Variants in SMARCA2 observed in about 807,000 individuals in gnomAD.
SMARCA2 encodes the protein SWI/SNF-related matrix-associated actin-dependent regulator of chromatin subfamily A member 2.
SMARCA2 carries 61 observed loss-of-function variants against 199.8 expected under a neutral mutation model. The ratio of observed to expected loss-of-function variants is 0.31; its 90% CI spans 0.25 to 0.38. The LOEUF is 0.38. Among genes scored for constraint, SMARCA2 ranks in the 10% least tolerant of loss-of-function variants. The pLI, the probability that SMARCA2 is intolerant of heterozygous loss-of-function variation, is 1.00. For missense variants in SMARCA2, 1,344 were observed against 2,012.2 expected (o/e 0.67, Z 6.35); for synonymous variants, 935 against 732.0 (o/e 1.28, Z -4.48).
intron 8 of SMARCA2, among the ~76,000 whole-genome samples, chr9:2,059,450 C>A (rs1820490860): frequency 1.3e-5 from 2 of 152,118 alleles, no homozygotes; most frequent in South Asian, 4.2e-4. Context: ...AGAGGACTGT[C>A]CGAGAGGTTT....
rs118043700 is a variant in SMARCA2 at position 2,185,982 on chromosome 9, G to C, written c.4462-114G>C. On this transcript the variant is annotated intron_variant, in intron 31 of 33. Transcript: ENST00000349721. ...TTTTCATGTGGGCATAAAAGCTAAC[G>C]GTGACATTTCTACTAAAATTCATGT... 6.8e-6 allele frequency: 7 copies of C among 1,033,886 alleles called. No individual in the cohort carries two copies. In the East Asian group the frequency reaches 1.7e-4, roughly 25 times the overall value. 64.0% of individuals were successfully genotyped at this position (1,033,886 alleles called of 1,614,324 possible).
At chr9:2,157,619 C>T (rs1825433882) in intron 27 of SMARCA2, 2 of 344,264 alleles carry the variant, frequency 5.8e-6, no homozygotes, top group Non-Finnish European at 1.0e-5. Context: ...TTTAGAATTG[C>T]TCCTTTCAGT....
intron 12 of SMARCA2, 44 bp downstream of exon 12, chr9:2,073,667 T>C (rs1378203401): frequency 6.3e-6 from 9 of 1,437,654 alleles, no homozygotes; most frequent in Non-Finnish European, 8.8e-6. Flanking sequence ...TTGAAAGTTA[T>C]CAGAGGAAGA....
At chr9:2,025,025 C>G (rs1403459929) in intron 1 of SMARCA2, among the ~76,000 whole-genome samples, 1 of 152,104 alleles carries the variant, frequency 6.6e-6, no homozygotes, top group Non-Finnish European at 1.5e-5. Flanking sequence ...CCTTAAAATT[C>G]CATGAAGTTG....
intron 27 of SMARCA2, among the ~76,000 whole-genome samples, chr9:2,154,849 G>C (rs1330275613): frequency 6.6e-6 from 1 of 152,126 alleles, no homozygotes; most frequent in Non-Finnish European, 1.5e-5. Flanking sequence ...TGAGAACCTC[G>C]AAGTACAGAA....
At chr9:2,159,119 T>G (rs2130746151) in intron 27 of SMARCA2, 1 of 1,061,736 alleles carries the variant, frequency 9.4e-7, no homozygotes. Flanking sequence ...ACTCACAGAT[T>G]TAGAGATTTA....
At position 2,029,048 on chromosome 9, in the gene SMARCA2, C is replaced by G; in HGVS notation, c.26C>G (p.Ala9Gly). The change falls in exon 2 of 34, where the codon GCG (alanine) becomes GGG (glycine). Residue 9 changes from alanine (A) to glycine (G), a missense_variant. Physicochemically the swap from Ala to Gly is moderately conservative, Grantham distance 60. Around this residue, in one of 18 missense-constraint regions of SMARCA2, gnomAD observed 275 missense variants for 247.5 expected, o/e 1.11. Coordinates refer to ENST00000349721, the MANE Select transcript of SMARCA2 (RefSeq NM_003070.5). Reference protein sequence around the residue: MSTPTDPGAMPHPGPSPGP... With the variant: MSTPTDPGGMPHPGPSPGP... ...ATGTCCACGCCCACAGACCCTGGTG[C>G]GATGCCCCACCCAGGGCCTTCGCCG... 6.4e-7 allele frequency: 1 copy of G among 1,553,644 alleles called. No individual in the cohort carries two copies. The highest frequency in any genetic ancestry group is 1.2e-5 in the South Asian group (1 of 84,676).
Position 2,116,405 on chromosome 9 carries a change from T to A in SMARCA2, c.3684+356T>A, listed in dbSNP as rs547010241. On this transcript the variant is annotated intron_variant, in intron 25 of 33. Transcript: ENST00000349721. ...TCAGCCGGACGAGACAAGACATAAATGGAAGGGGTCCTCTTTCTCTCATCC... is the reference window on the plus strand; with the variant it reads ...TCAGCCGGACGAGACAAGACATAAAAGGAAGGGGTCCTCTTTCTCTCATCC... 1.4e-4 allele frequency among the ~76,000 whole-genome samples: 22 copies of A among 152,284 alleles called. No homozygotes were observed. In the South Asian group the frequency reaches 4.6e-3, roughly 32 times the overall value.
intron 27 of SMARCA2, among the ~76,000 whole-genome samples, chr9:2,149,899 T>C (rs1394152415): frequency 1.3e-5 from 2 of 151,600 alleles, no homozygotes; most frequent in South Asian, 4.2e-4. Context: ...CAAATAACCT[T>C]TTATATACTT....
chr9:2,070,106 C>A (rs1821026422), intron 9 of SMARCA2, among the ~76,000 whole-genome samples: 1 of 152,334 alleles, frequency 6.6e-6, no homozygotes, highest in South Asian at 2.1e-4. Flanking sequence ...ACGAGAAGAA[C>A]ATTTCAGATT....
chr9:2,093,243 A>T (rs13301716), intron 19 of SMARCA2, among the ~76,000 whole-genome samples: 10 of 152,340 alleles, frequency 6.6e-5, no homozygotes, highest in Admixed American at 2.6e-4. Context: ...GGTACCCAGT[A>T]TGTACACATG....
chr9:2,123,144 T>G lies in SMARCA2; in HGVS notation c.3763-575T>G, dbSNP rs1213404255. ...ACAGTGCCCATGAGGTATTGAAAAG[T>G]TAGTATATTCATGGCCAATGGACCA... On this transcript the variant is annotated intron_variant, in intron 26 of 33. Transcript: ENST00000349721. The surrounding 1 kb of genome is among the most constrained non-coding windows in gnomAD (Gnocchi z 4.1). Among the ~76,000 whole-genome samples, 2 of 152,196 alleles carry G rather than the reference T, an allele frequency of 1.3e-5. No individual in the cohort carries two copies. Among genetic ancestry groups the G allele is most frequent in the African/African-American group, 4.8e-5 (2 of 41,448 alleles).
chr9:2,100,307 C>T (rs779147424), intron 21 of SMARCA2, among the ~76,000 whole-genome samples: 3 of 152,166 alleles, frequency 2.0e-5, no homozygotes, highest in Admixed American at 6.5e-5. Flanking sequence ...TATGTGATTA[C>T]GTTCTGTATT....
At chr9:2,068,558 G>C (rs1326775141) in intron 9 of SMARCA2, among the ~76,000 whole-genome samples, 1 of 152,162 alleles carries the variant, frequency 6.6e-6, no homozygotes, top group Non-Finnish European at 1.5e-5. Context: ...AGACAGTTGA[G>C]TTATTTTCAT....
chr9:2,193,385 T>C lies in SMARCA2; in HGVS notation c.*646T>C, dbSNP rs965395055. The C allele has an allele frequency of 6.5e-6, 1 of 152,706 alleles. No homozygotes were observed. The highest frequency in any genetic ancestry group is 2.4e-5 in the African/African-American group (1 of 41,470). The allele number at this position is 152,706 out of a possible 1,614,324, so 9.5% of individuals were successfully genotyped here. A position where few individuals can be genotyped will look rare whatever the true frequency, so the allele number is the denominator to read the frequency against. ...GCTCTTGATTTAAAAAAAAGTTTTG[T>C]TGAAAGCGCTATTGAATATTGCAAT... On this transcript the variant is annotated 3_prime_UTR_variant, in exon 34 of 34. Coordinates refer to ENST00000349721, the MANE Select transcript of SMARCA2 (RefSeq NM_003070.5).
intron 12 of SMARCA2, among the ~76,000 whole-genome samples, chr9:2,075,586 T>C (rs1188485569): frequency 1.3e-5 from 2 of 152,354 alleles, no homozygotes; most frequent in African/African-American, 4.8e-5. Flanking sequence ...ATCCAGGTCC[T>C]CTACAGTGGA....
rs757085248 is a variant in SMARCA2 at position 2,039,835 on chromosome 9, A to C, written c.725A>C (p.Gln242Pro). 5.6e-6 allele frequency: 9 copies of C among 1,611,712 alleles called. No individual in the cohort carries two copies. The highest frequency in any genetic ancestry group is 1.7e-5 in the Admixed American group (1 of 59,858). Residue 242 changes from glutamine to proline, a missense_variant, in exon 4 of 34, where the codon CAG becomes CCG. Physicochemically the swap from Gln to Pro is moderately conservative, Grantham distance 76. Transcript: ENST00000349721. This position sits in a 1 kb window ranked among gnomAD's most constrained non-coding sequence, Gnocchi z 4.8. ...QQQQQQQPQQQPPQPQTQQQQ... is the reference protein window; with the variant it reads ...QQQQQQQPQQPPPQPQTQQQQ... ...CAGCAGCAACAGCAGCCGCAGCAGC[A>C]GCCGCCGCAACCACAGACGCAGCAA...
Position 2,115,251 on chromosome 9 carries a change from G to A in SMARCA2, c.3457-571G>A, listed in dbSNP as rs1175122146. On this transcript the variant is annotated intron_variant, in intron 24 of 33. Transcript: ENST00000349721. The surrounding 1 kb of genome is among the most constrained non-coding windows in gnomAD (Gnocchi z 6.0). The stretch of plus-strand genomic sequence containing the variant: ...AGTTTACCAGTTGACTACCCAACTA[G>A]CAATCCTTTTGATTTCCCAGATTGA... Among the ~76,000 whole-genome samples, 1 of 152,162 alleles carries A rather than the reference G, an allele frequency of 6.6e-6. No individual in the cohort carries two copies. The highest frequency in any genetic ancestry group is 1.5e-5 in the Non-Finnish European group (1 of 68,020).
At chr9:2,164,834 A>G (rs1825860585) in intron 28 of SMARCA2, among the ~76,000 whole-genome samples, 1 of 152,210 alleles carries the variant, frequency 6.6e-6, no homozygotes, top group Non-Finnish European at 1.5e-5. Flanking sequence ...GGTAAGACAC[A>G]TTCTATTAGC....
Sources: allele counts gnomAD v4.1 joint callset (sites outside exome capture counted in the v4.1 genomes callset), GRCh38; gene constraint gnomAD v4.1.1; regional missense constraint gnomAD v4.1.1; non-coding constraint Gnocchi (gnomAD v3.1); transcripts MANE v1.5; gene names NCBI Gene and HGNC (gene_info 2026-07-23, HGNC 2026-07-21).